The following MTPAP variants were observed in gnomAD, a reference collection of about 807,000 sequenced individuals.
MTPAP encodes mitochondrial poly(A) polymerase.
A neutral mutation model predicts 48.7 loss-of-function variants in MTPAP; 23 were observed. The ratio of observed to expected loss-of-function variants is 0.47; its 90% CI spans 0.34 to 0.67. The LOEUF (loss-of-function observed/expected upper bound fraction) is 0.67, where lower values mean the gene tolerates loss of function less well. Ranked by LOEUF, MTPAP falls within the 30% of genes least tolerant of loss-of-function variation. The pLI, the probability that MTPAP is intolerant of heterozygous loss-of-function variation, is 0.01. For missense variants in MTPAP, 614 were observed against 694.3 expected (o/e 0.88, Z 1.30); for synonymous variants, 257 against 254.1 (o/e 1.01, Z -0.11).
chr10:30,338,600 G>A (rs1324979073), intron 3 of MTPAP, among the ~76,000 whole-genome samples: 1 of 150,124 alleles, frequency 6.7e-6, no homozygotes, highest in Non-Finnish European at 1.5e-5. Context: ...GCTTGAACCT[G>A]GGAGGCGGAG....
chr10:30,321,217 C>T (rs1277840605), intron 6 of MTPAP, among the ~76,000 whole-genome samples: 1 of 152,116 alleles, frequency 6.6e-6, no homozygotes, highest in Non-Finnish European at 1.5e-5. Flanking sequence ...TTCCCATTTT[C>T]CCTTAACCTA....
chr10:30,322,736 C>A, intron 5 of MTPAP, 119 bp from the exon 6 acceptor site: 1 of 722,040 alleles, frequency 1.4e-6, no homozygotes, highest in Non-Finnish European at 2.4e-6. Context: ...GTATTCAGAA[C>A]ATCATTAGGT....
chr10:30,314,884 CAAAAAAAAAAA>C (rs34249388), intron 8 of MTPAP, among the ~76,000 whole-genome samples: 4 of 110,746 alleles, frequency 3.6e-5, no homozygotes, highest in East Asian at 2.6e-4. Context: ...AAAACAAAAA[CAAAAAAAAAAA>C]AAAAAAAAAA....
intron 6 of MTPAP, among the ~76,000 whole-genome samples, chr10:30,318,888 A>T (rs1840691287): frequency 6.6e-6 from 1 of 152,192 alleles, no homozygotes; most frequent in Non-Finnish European, 1.5e-5. Flanking sequence ...GAACTACAAC[A>T]ATCTAACAGT....
In MTPAP at chr10:30,312,308, TG is replaced by T. The variant is rs1840603294; in HGVS notation, c.*1300del. On this transcript the variant is annotated 3_prime_UTR_variant, in exon 9 of 9. Transcript: ENST00000263063. ...AAAATACAGTATTCTCGGCCAGGCA[TG>T]GTGGCTCACGCTTGTAATCCCAGCA... The T allele has an allele frequency of 6.6e-6, 1 of 151,904 alleles. No homozygotes were observed. The highest frequency in any genetic ancestry group is 6.6e-5 in the Admixed American group (1 of 15,246). 9.4% of individuals were successfully genotyped at this position (151,904 alleles called of 1,614,324 possible).
chr10:30,338,034 A>T (rs2132864796), intron 3 of MTPAP, among the ~76,000 whole-genome samples: 1 of 151,664 alleles, frequency 6.6e-6, no homozygotes, highest in East Asian at 1.9e-4. Flanking sequence ...CCAAGGCGGG[A>T]GGATCGCTTG....
intron 3 of MTPAP, 83 bp from the exon 4 acceptor site, chr10:30,337,110 G>A (rs1485740684): frequency 1.3e-5 from 16 of 1,235,478 alleles, no homozygotes; most frequent in Middle Eastern, 2.6e-4. Context: ...CAAAGATTTG[G>A]TGGCGTTGAA....
At chr10:30,326,952 A>G (rs2132854666) in intron 4 of MTPAP, among the ~76,000 whole-genome samples, 2 of 152,316 alleles carry the variant, frequency 1.3e-5, no homozygotes, top group South Asian at 4.1e-4. Flanking sequence ...CACCTTATAA[A>G]TTCAGTGAAC....
At chr10:30,346,367 C>CCAG (rs1834873455) in intron 1 of MTPAP, among the ~76,000 whole-genome samples, 1 of 151,984 alleles carries the variant, frequency 6.6e-6, no homozygotes, top group Non-Finnish European at 1.5e-5. Context: ...CAGAGAGCAT[C>CCAG]CAGAGAGGAA....
chr10:30,341,541 A>AT lies in MTPAP; in HGVS notation c.256dup (p.Ile86AsnfsTer3). The AT allele has an allele frequency of 6.2e-7, 1 of 1,613,958 alleles. No homozygotes were observed. The highest frequency in any genetic ancestry group is 8.5e-7 in the Non-Finnish European group (1 of 1,179,938). ...ATATTTAAGAAACTTGTTTTCACTG[A>AT]TTTTCTCTGGGCAATGTATTAAAAC... On this transcript the variant is annotated frameshift_variant, in exon 2 of 9. Transcript: ENST00000263063. LOFTEE classifies it high-confidence loss of function.
intron 1 of MTPAP, among the ~76,000 whole-genome samples, chr10:30,344,520 C>T (rs1333616931): frequency 6.6e-6 from 1 of 152,124 alleles, no homozygotes; most frequent in Non-Finnish European, 1.5e-5. Flanking sequence ...TCAATTAGAT[C>T]TCAGTCTACC....
chr10:30,335,885 T>G (rs773444411), intron 4 of MTPAP, among the ~76,000 whole-genome samples: 1 of 152,112 alleles, frequency 6.6e-6, no homozygotes, highest in Non-Finnish European at 1.5e-5. Flanking sequence ...AGCAGGCGCC[T>G]GTAATCCCAG....
At chr10:30,314,197 G>A (rs1840634707) in intron 8 of MTPAP, among the ~76,000 whole-genome samples, 1 of 151,586 alleles carries the variant, frequency 6.6e-6, no homozygotes, top group Non-Finnish European at 1.5e-5. Context: ...GTTCTTTGGA[G>A]AAATAACTTA....
intron 2 of MTPAP, among the ~76,000 whole-genome samples, chr10:30,341,215 C>G (rs1009414508): frequency 6.6e-6 from 1 of 152,050 alleles, no homozygotes; most frequent in African/African-American, 2.4e-5. Context: ...TAGTTGGACC[C>G]CGTCTCTTAA....
intron 8 of MTPAP, among the ~76,000 whole-genome samples, chr10:30,315,530 C>G (rs921728144): frequency 7.2e-6 from 1 of 138,204 alleles, no homozygotes; most frequent in African/African-American, 2.5e-5. Flanking sequence ...CAAAACAAAA[C>G]AAAACAAAAA....
At chr10:30,328,319 G>C (rs374939773) in intron 4 of MTPAP, among the ~76,000 whole-genome samples, 1 of 152,206 alleles carries the variant, frequency 6.6e-6, no homozygotes, top group Non-Finnish European at 1.5e-5. Flanking sequence ...GAACTAACGC[G>C]TATGAGAAAA....
chr10:30,343,701 G>A lies in MTPAP; in HGVS notation c.158-2061C>T, dbSNP rs1834838566. ...TCATGCCTCAACCTCCCCAGTAGCCGGTATTACAGGCGTGCGCCACCACGC... is the reference window on the plus strand; with the variant it reads ...TCATGCCTCAACCTCCCCAGTAGCCAGTATTACAGGCGTGCGCCACCACGC... On this transcript the variant is annotated intron_variant, in intron 1 of 8. Transcript: ENST00000263063. Among the ~76,000 whole-genome samples, 4 of 151,978 alleles carry A rather than the reference G, an allele frequency of 2.6e-5. No homozygotes were observed. In the South Asian group the frequency reaches 6.2e-4, roughly 24 times the overall value.
At chr10:30,346,593 G>T (rs1458622671) in intron 1 of MTPAP, among the ~76,000 whole-genome samples, 1 of 152,146 alleles carries the variant, frequency 6.6e-6, no homozygotes, top group East Asian at 1.9e-4. Context: ...ATCACTGCAG[G>T]TGAAAAAAAC....
At chr10:30,317,339 C>T (rs1462939105) in intron 6 of MTPAP, among the ~76,000 whole-genome samples, 1 of 152,174 alleles carries the variant, frequency 6.6e-6, no homozygotes, top group Non-Finnish European at 1.5e-5. Context: ...CATCTTCATA[C>T]ACGACACAAA....
Sources: allele counts gnomAD v4.1 joint callset (sites outside exome capture counted in the v4.1 genomes callset), GRCh38; gene constraint gnomAD v4.1.1; transcripts MANE v1.5; gene names NCBI Gene and HGNC (gene_info 2026-07-23, HGNC 2026-07-21).